The following BRD2 variants were observed in gnomAD, a reference collection of about 807,000 sequenced individuals.
The protein encoded by BRD2 is bromodomain-containing protein 2.
A neutral mutation model predicts 79.1 loss-of-function variants in BRD2; 15 were observed. That is an observed-to-expected ratio of 0.19 (90% CI 0.13 to 0.29). BRD2 has a LOEUF of 0.29. Among genes scored for constraint, BRD2 ranks in the 10% least tolerant of loss-of-function variants. The pLI is 1.00. For missense variants in BRD2, 1,053 were observed against 991.3 expected, an observed-to-expected ratio of 1.06 and a Z score of -0.84; for synonymous variants, 488 against 358.6, an observed-to-expected ratio of 1.36 and a Z score of -4.08.
chr6:32,973,074 C>A, intron 2 of BRD2, 147 bp downstream of exon 2: 1 of 1,585,830 alleles, frequency 6.3e-7, no homozygotes, highest in East Asian at 2.3e-5. Flanking sequence ...GGGAATTGAG[C>A]GACGGTTTTG....
At position 32,974,737 on chromosome 6, in the gene BRD2, C is replaced by T. The variant is rs1459729259; in HGVS notation, c.305C>T (p.Pro102Leu). Residue 102 changes from proline (P) to leucine (L), a missense_variant, in exon 3 of 13, where the codon CCT becomes CTT. Coordinates refer to ENST00000374825, the MANE Select transcript of BRD2 (RefSeq NM_005104.4). ...KHQFAWPFRQ[P>L]VDAVKLGLPD... ...CAGTTCGCATGGCCATTCCGGCAGC[C>T]TGTGGATGCTGTCAAACTGGGTCTA... The T allele has an allele frequency of 1.2e-6, 2 of 1,613,850 alleles. No homozygotes were observed. Among genetic ancestry groups the T allele is most frequent in the Non-Finnish European group, 1.7e-6 (2 of 1,179,926 alleles).
intron 1 of BRD2, 24 bp downstream of exon 1, chr6:32,969,080 G>A: frequency 2.1e-6 from 1 of 472,720 alleles, no homozygotes; most frequent in South Asian, 3.5e-5. Context: ...CTTGTGGGGC[G>A]GAGATGTCAG....
At position 32,976,635 on chromosome 6, in the gene BRD2, C is replaced by T. The variant is rs745351919; in HGVS notation, c.899C>T (p.Ala300Val). ...GCCATCTTGGCTCCTGGTTCTCCAG[C>T]TAGCCCTCCTGGGAGTCTTGAGCCT... ...PTAILAPGSP[A>V]SPPGSLEPKA... Residue 300 changes from alanine to valine, a missense_variant, in exon 7 of 13, where the codon GCT (alanine) becomes GTT (valine). Around this residue, in one of 5 missense-constraint regions of BRD2, gnomAD observed 454 missense variants for 430.5 expected, o/e 1.05. Coordinates refer to ENST00000374825, the MANE Select transcript of BRD2 (RefSeq NM_005104.4). 6.2e-7 allele frequency: 1 copy of T among 1,612,112 alleles called. No homozygotes were observed. Among genetic ancestry groups the T allele is most frequent in the East Asian group, 2.2e-5 (1 of 44,880 alleles).
At chr6:32,977,279 C>T in intron 7 of BRD2, 163 bp from the exon 8 acceptor site, 2 of 1,576,592 alleles carry the variant, frequency 1.3e-6, no homozygotes, top group Non-Finnish European at 1.7e-6. Context: ...TTTCTTCAAC[C>T]CACCCAAATT....
chr6:32,970,995 G>GT (rs144230375), intron 1 of BRD2: 9,364 of 151,588 alleles, frequency 0.062, 311 homozygotes, highest in Middle Eastern at 0.11. Flanking sequence ...CCGGACCCTG[G>GT]TGGGGGGGCG....
At chr6:32,975,299 T>G in intron 3 of BRD2, 85 bp from the exon 4 acceptor site, 1 of 1,140,146 alleles carries the variant, frequency 8.8e-7, no homozygotes, top group Non-Finnish European at 1.3e-6. Context: ...TGTGTGTGTG[T>G]GTGTGTGTGT....
In BRD2 at chr6:32,980,324, A is replaced by T. The variant is rs1779352696; in HGVS notation, c.2147-18A>T. 2 of 1,612,256 alleles carry T rather than the reference A, an allele frequency of 1.2e-6. No individual in the cohort carries two copies. Among genetic ancestry groups the T allele is most frequent in the Non-Finnish European group, 1.7e-6 (2 of 1,179,894 alleles). ...CTTGGGGCAATCTTAATGTATCCTG[A>T]TAAATTTCTTTCATTAGCCATTAAG... is the stretch of plus-strand genomic sequence containing the variant. On this transcript the variant is annotated intron_variant, in intron 11 of 12. Coordinates refer to ENST00000374825, the MANE Select transcript of BRD2 (RefSeq NM_005104.4).
chr6:32,978,442 G>A (rs1218083402), intron 10 of BRD2, 54 bp downstream of exon 10: 3 of 1,577,690 alleles, frequency 1.9e-6, no homozygotes, highest in African/African-American at 2.7e-5. Context: ...CTCTCTGGGG[G>A]ATGCCATCTC....
rs369127190 is a variant in BRD2 at position 32,980,651 on chromosome 6, G to C, written c.2339G>C (p.Ser780Thr). 6.2e-7 allele frequency: 1 copy of C among 1,613,140 alleles called. No homozygotes were observed. The highest frequency in any genetic ancestry group is 1.1e-5 in the South Asian group (1 of 91,090). Residue 780 changes from serine to threonine, a missense_variant, in exon 13 of 13, where the codon AGC becomes ACC. Around this residue, in one of 5 missense-constraint regions of BRD2, gnomAD observed 139 missense variants for 133.2 expected, o/e 1.04. Coordinates refer to ENST00000374825, the MANE Select transcript of BRD2 (RefSeq NM_005104.4). ...AVSRLSASSSSSDSSSSSSSS... is the reference protein window; with the variant it reads ...AVSRLSASSSTSDSSSSSSSS... ...TCACGCCTTAGCGCTTCCAGCTCCA[G>C]CTCAGATTCCAGCTCCTCCTCTTCC... is the stretch of plus-strand genomic sequence containing the variant.
rs761703203 is a variant in BRD2, at chr6:32,980,680, T to C, written c.2368T>C (p.Ser790Pro). Residue 790 changes from serine to proline, a missense_variant, in exon 13 of 13, where the codon TCG (serine) becomes CCG (proline). Ser to Pro is a moderately conservative substitution (Grantham distance 74, BLOSUM62 -1). This residue lies in a region of BRD2 where 139 missense variants were observed against 133.2 expected (regional missense o/e 1.04). Coordinates refer to ENST00000374825, the MANE Select transcript of BRD2 (RefSeq NM_005104.4). Reference protein sequence around the residue: ...SSDSSSSSSSSSSSDTSDSDS... With the variant: ...SSDSSSSSSSPSSSDTSDSDS... Reference sequence around the variant, plus strand: ...AGATTCCAGCTCCTCCTCTTCCTCGTCGTCGTCTTCAGACACCAGTGATTC... The same window carrying C: ...AGATTCCAGCTCCTCCTCTTCCTCGCCGTCGTCTTCAGACACCAGTGATTC... 1 of 1,613,006 alleles carries C rather than the reference T, an allele frequency of 6.2e-7. No individual in the cohort carries two copies.
intron 8 of BRD2, 91 bp from the exon 9 acceptor site, chr6:32,977,666 G>C: frequency 6.2e-7 from 1 of 1,602,992 alleles, no homozygotes; most frequent in Non-Finnish European, 8.5e-7. Context: ...TCACTGTTCT[G>C]TACAGTTGTA....
intron 6 of BRD2, 37 bp downstream of exon 6, chr6:32,976,501 C>G (rs367806832): frequency 4.4e-6 from 7 of 1,601,688 alleles, no homozygotes; most frequent in Non-Finnish European, 1.7e-6. Context: ...AGCAGGGAGG[C>G]AAGGGTCTTA....
In BRD2 at chr6:32,972,151, T is replaced by G. The variant is rs980194810; in HGVS notation, c.-748T>G. 1.9e-5 allele frequency: 12 copies of G among 641,366 alleles called. No individual in the cohort carries two copies. Among genetic ancestry groups the G allele is most frequent in the African/African-American group, 9.1e-5 (5 of 55,180 alleles). 39.7% of individuals were successfully genotyped at this position (641,366 alleles called of 1,614,324 possible). The stretch of plus-strand genomic sequence containing the variant: ...GGGTGGCGCGCATGAGCGGCGAAGC[T>G]CCTCCTCCCCGCCTATATATAAAGG... On this transcript the variant is annotated 5_prime_UTR_variant, in exon 2 of 13. Transcript: ENST00000374825.
At position 32,972,643 on chromosome 6, in the gene BRD2, T is replaced by G. The variant is rs1694381371; in HGVS notation, c.-256T>G. Reference sequence around the variant, plus strand: ...TTTTGAAGAGTCAGTCCCTCCTTAGTTGCCCGCCTCAGCTGAGGCCGCCGC... The same window carrying G: ...TTTTGAAGAGTCAGTCCCTCCTTAGGTGCCCGCCTCAGCTGAGGCCGCCGC... On this transcript the variant is annotated 5_prime_UTR_variant, in exon 2 of 13. Transcript: ENST00000374825. 3 of 599,476 alleles carry G rather than the reference T, an allele frequency of 5.0e-6. No homozygotes were observed. In the South Asian group the frequency reaches 5.9e-5, roughly 12 times the overall value. 37.1% of individuals were successfully genotyped at this position (599,476 alleles called of 1,614,324 possible).
At position 32,972,921 on chromosome 6, in the gene BRD2, A is replaced by C. The variant is rs201319601; in HGVS notation, c.23A>C (p.His8Pro). MLQNVTP[H>P]NKLPGEGNAG... is the part of the protein sequence containing the mutation. ...AAGATGCTGCAAAACGTGACTCCCC[A>C]CAATAAGTACGTTTCCGCGAGCCGC... Residue 8 changes from histidine (H) to proline (P), a missense_variant, in exon 2 of 13, where the codon CAC (histidine) becomes CCC (proline). Around this residue, in one of 5 missense-constraint regions of BRD2, gnomAD observed 413 missense variants for 335.1 expected, o/e 1.23. Coordinates refer to ENST00000374825, the MANE Select transcript of BRD2 (RefSeq NM_005104.4). 17 of 1,613,970 alleles carry C rather than the reference A, an allele frequency of 1.1e-5. No homozygotes were observed. The East Asian group carries it at 1.8e-4, about 17-fold the overall frequency.
intron 1 of BRD2, chr6:32,969,450 G>A (rs544666768): frequency 6.6e-5 from 45 of 684,324 alleles, no homozygotes; most frequent in African/African-American, 6.5e-4. Flanking sequence ...AATGCTTTAG[G>A]AGTTGGCCAC....
At chr6:32,978,540 G>C in intron 10 of BRD2, 152 bp downstream of exon 10, 1 of 1,316,148 alleles carries the variant, frequency 7.6e-7, no homozygotes, top group Non-Finnish European at 1.0e-6. Flanking sequence ...CCAGGGACCA[G>C]TTTCGTGGAA....
rs753929804 is a variant in BRD2, at chr6:32,980,621, C to T, written c.2309C>T (p.Ala770Val). 2.5e-6 allele frequency: 4 copies of T among 1,613,170 alleles called. No homozygotes were observed. Among genetic ancestry groups the T allele is most frequent in the Non-Finnish European group, 2.5e-6 (3 of 1,180,042 alleles). Reference sequence around the variant, plus strand: ...GAGTCATCCTCTGCACAGCAAGTAGCAGTGTCACGCCTTAGCGCTTCCAGC... The same window carrying T: ...GAGTCATCCTCTGCACAGCAAGTAGTAGTGTCACGCCTTAGCGCTTCCAGC... Reference protein sequence around the residue: ...KTESSSAQQVAVSRLSASSSS... With the variant: ...KTESSSAQQVVVSRLSASSSS... Residue 770 changes from alanine to valine, a missense_variant, in exon 13 of 13, where the codon GCA (alanine) becomes GTA (valine). Physicochemically the swap from Ala to Val is moderately conservative, Grantham distance 64. Transcript: ENST00000374825.
chr6:32,980,547 C>T (rs371957140), intron 12 of BRD2, 35 bp from the exon 13 acceptor site: 13 of 1,612,708 alleles, frequency 8.1e-6, no homozygotes, highest in Non-Finnish European at 1.1e-5. Flanking sequence ...AAGATTCAGA[C>T]TTGAACGTCT....
Sources: allele counts gnomAD v4.1 joint callset, GRCh38; gene constraint gnomAD v4.1.1; regional missense constraint gnomAD v4.1.1; transcripts MANE v1.5; gene names NCBI Gene and HGNC (gene_info 2026-07-23, HGNC 2026-07-21).